The following SLC14A1 variants were observed in gnomAD, a reference collection of about 807,000 sequenced individuals.
SLC14A1 encodes urea transporter 1.
A neutral mutation model predicts 39.6 loss-of-function variants in SLC14A1; 36 were observed. That is an observed-to-expected ratio of 0.91 (90% CI 0.70 to 1.20). The LOEUF is 1.20. SLC14A1 is among the 50% of genes most tolerant of loss of function. The pLI is 0.00. For synonymous variants in SLC14A1, 164 were observed against 173.6 expected (o/e 0.94, Z 0.43); for missense variants, 469 against 478.7 (o/e 0.98, Z 0.19).
In SLC14A1 at chr18:45,734,327, T is replaced by A. The variant is rs1483237876; in HGVS notation, c.395T>A (p.Leu132His). ...TACAATGCCACCCTGGTGGGAGTAC[T>A]CATGGCTGTCTTTTCGGACAAGGGA... ...YGYNATLVGVLMAVFSDKGDY... is the reference protein window; with the variant it reads ...YGYNATLVGVHMAVFSDKGDY... The change falls in exon 5 of 10, where the codon CTC becomes CAC. Residue 132 changes from leucine to histidine, a missense_variant. Leu to His is a moderately conservative substitution (Grantham distance 99). Transcript: ENST00000321925. 6.2e-7 allele frequency: 1 copy of A among 1,614,078 alleles called. No individual in the cohort carries two copies. The highest frequency in any genetic ancestry group is 2.2e-5 in the East Asian group (1 of 44,868).
At chr18:45,734,508 T>C in intron 5 of SLC14A1, 106 bp downstream of exon 5, 4 of 1,236,780 alleles carry the variant, frequency 3.2e-6, no homozygotes, top group Non-Finnish European at 4.7e-6. Context: ...CAAGATGAAA[T>C]ATGTTCTCTG....
chr18:45,736,363 G>T, intron 5 of SLC14A1, 93 bp from the exon 6 acceptor site: 1 of 1,230,130 alleles, frequency 8.1e-7, no homozygotes, highest in Non-Finnish European at 1.2e-6. Context: ...GGGGCCTGTT[G>T]GCAGGTGAAA....
intron 6 of SLC14A1, among the ~76,000 whole-genome samples, chr18:45,737,211 TG>T (rs2047223086): frequency 6.6e-6 from 1 of 152,134 alleles, no homozygotes; most frequent in Non-Finnish European, 1.5e-5. Context: ...TCTCTAAGGG[TG>T]GGGCCTGGAA....
chr18:45,745,815 G>T (rs1015330217), intron 8 of SLC14A1, among the ~76,000 whole-genome samples: 1 of 152,160 alleles, frequency 6.6e-6, no homozygotes, highest in Non-Finnish European at 1.5e-5. Flanking sequence ...TTAAATCTCT[G>T]TGCATGGATT....
rs760011138 is a variant in SLC14A1, at chr18:45,730,182, GCT to G, written c.-21-113_-21-112del. On this transcript the variant is annotated intron_variant, in intron 2 of 9. Transcript: ENST00000321925. ...GGTGGTGTTTCAGAAGGAAAATGGTGCTCTCTTAGTTCTATGGAACATAGTGG... is the reference window on the plus strand; with the variant it reads ...GGTGGTGTTTCAGAAGGAAAATGGTGCTCTTAGTTCTATGGAACATAGTGG... The G allele has an allele frequency of 2.8e-5, 30 of 1,071,912 alleles. No homozygotes were observed. The South Asian group carries it at 3.8e-4, about 14-fold the overall frequency. The allele number at this position is 1,071,912 out of a possible 1,614,324, so 66.4% of individuals were successfully genotyped here. A position where few individuals can be genotyped will look rare whatever the true frequency, so the allele number is the denominator to read the frequency against.
chr18:45,742,586 C>G (rs1306700189), intron 8 of SLC14A1, among the ~76,000 whole-genome samples: 13 of 151,866 alleles, frequency 8.6e-5, no homozygotes, highest in Admixed American at 8.5e-4. Context: ...TCTCAATCTT[C>G]TGACCTCATG....
At chr18:45,731,581 C>T (rs988282959) in intron 4 of SLC14A1, 3 of 337,846 alleles carry the variant, frequency 8.9e-6, no homozygotes, top group Non-Finnish European at 1.2e-5. Flanking sequence ...GCTTAATAAC[C>T]CCCGTTATAT....
chr18:45,734,477 T>C, intron 5 of SLC14A1, 75 bp downstream of exon 5: 7 of 1,514,142 alleles, frequency 4.6e-6, no homozygotes, highest in African/African-American at 1.4e-5. Flanking sequence ...GGAGTTGTTA[T>C]ATGGCAGAGT....
intron 4 of SLC14A1, 195 bp downstream of exon 4, chr18:45,731,399 G>C: frequency 4.6e-6 from 3 of 652,826 alleles, no homozygotes; most frequent in East Asian, 5.6e-5. Context: ...TGAATAAATG[G>C]CTGGTCTAAA....
rs944730522 is a variant in SLC14A1, at chr18:45,751,635, T to G, written c.*1684T>G. ...TCTTAAAAAATAAAAATAGTAACAT[T>G]AGCCAGGTGTAGCAGCACACATCTG... On this transcript the variant is annotated 3_prime_UTR_variant, in exon 10 of 10. Coordinates refer to ENST00000321925, the MANE Select transcript of SLC14A1 (RefSeq NM_015865.7). 1.6e-4 allele frequency: 80 copies of G among 496,256 alleles called. No homozygotes were observed. The highest frequency in any genetic ancestry group is 2.0e-4 in the Non-Finnish European group (77 of 384,014). The allele number at this position is 496,256 out of a possible 1,614,324, so 30.7% of individuals were successfully genotyped here. A position where few individuals can be genotyped will look rare whatever the true frequency, so the allele number is the denominator to read the frequency against.
intron 8 of SLC14A1, among the ~76,000 whole-genome samples, chr18:45,744,005 T>C (rs759668118): frequency 1.6e-5 from 2 of 127,228 alleles, no homozygotes; most frequent in Non-Finnish European, 3.2e-5. Context: ...TTAGTTCATA[T>C]TAACCTTCTG....
Position 45,727,413 on chromosome 18 carries a change from G to A in SLC14A1, c.-22+2400G>A, listed in dbSNP as rs201620887. 3.2e-4 allele frequency: 490 copies of A among 1,547,644 alleles called. 3 individuals carry two copies. The highest frequency in any genetic ancestry group is 3.9e-4 in the Admixed American group (20 of 50,948). On this transcript the variant is annotated intron_variant, in intron 2 of 9. Coordinates refer to ENST00000321925, the MANE Select transcript of SLC14A1 (RefSeq NM_015865.7). ...CTTGGCCCTGGCAGATGGGTCGCAG[G>A]AACAGGTATGCTTCCTTCGTGCAGC...
chr18:45,749,378 A>T (rs1490198891), intron 9 of SLC14A1, among the ~76,000 whole-genome samples: 1 of 152,158 alleles, frequency 6.6e-6, no homozygotes, highest in Non-Finnish European at 1.5e-5. Flanking sequence ...GATCTAGACC[A>T]GGCAGAAGTC....
chr18:45,745,086 T>C (rs2047507726), intron 8 of SLC14A1, among the ~76,000 whole-genome samples: 1 of 152,132 alleles, frequency 6.6e-6, no homozygotes, highest in Non-Finnish European at 1.5e-5. Context: ...CTACTAAAAA[T>C]ACAAAAATTA....
At chr18:45,734,133 T>C (rs1449811045) in intron 4 of SLC14A1, 141 bp from the exon 5 acceptor site, 1 of 1,061,754 alleles carries the variant, frequency 9.4e-7, no homozygotes, top group East Asian at 2.5e-5. Context: ...GTACGATGCT[T>C]ACGTAGACTT....
Position 45,739,641 on chromosome 18 carries a change from C to G in SLC14A1, c.925C>G (p.His309Asp), listed in dbSNP as rs2047300162. ...GMFMALTWQT[H>D]LLALGCALFT... ...GTTCATGGCGCTCACCTGGCAAACC[C>G]ACCTCCTGGCTCTTGGCTGTGGTGA... Residue 309 changes from histidine to aspartate, a missense_variant, in exon 8 of 10, where the codon CAC (histidine) becomes GAC (aspartate). Coordinates refer to ENST00000321925, the MANE Select transcript of SLC14A1 (RefSeq NM_015865.7). 6 of 1,614,068 alleles carry G rather than the reference C, an allele frequency of 3.7e-6. No individual in the cohort carries two copies. In the Admixed American group the frequency reaches 5.0e-5, roughly 13 times the overall value.
chr18:45,751,299 C>A lies in SLC14A1; in HGVS notation c.*1348C>A, dbSNP rs536199103. On this transcript the variant is annotated 3_prime_UTR_variant, in exon 10 of 10. Coordinates refer to ENST00000321925, the MANE Select transcript of SLC14A1 (RefSeq NM_015865.7). The stretch of plus-strand genomic sequence containing the variant: ...AGGCTGCAGTGAGCTAAGATTGCAC[C>A]ACTGCACTCCAACCTGGGCGACAAG... The A allele has an allele frequency of 3.5e-4, 276 of 781,892 alleles. 1 individual carries two copies. Among genetic ancestry groups the A allele is most frequent in the Admixed American group, 2.5e-3 (38 of 15,230 alleles). The allele number at this position is 781,892 out of a possible 1,614,324, so 48.4% of individuals were successfully genotyped here. A position where few individuals can be genotyped will look rare whatever the true frequency, so the allele number is the denominator to read the frequency against.
At chr18:45,734,100 A>G in intron 4 of SLC14A1, 174 bp from the exon 5 acceptor site, 4 of 756,788 alleles carry the variant, frequency 5.3e-6, no homozygotes, top group Non-Finnish European at 6.6e-6. Context: ...TGTATATTTC[A>G]CTTCATGTCT....
At chr18:45,742,353 G>GGT (rs2047401137) in intron 8 of SLC14A1, among the ~76,000 whole-genome samples, 2 of 118,054 alleles carry the variant, frequency 1.7e-5, no homozygotes, top group Admixed American at 1.9e-4. Flanking sequence ...TTGTTTTTTG[G>GGT]TTTTTTTTTT....
Sources: allele counts gnomAD v4.1 joint callset (sites outside exome capture counted in the v4.1 genomes callset), GRCh38; gene constraint gnomAD v4.1.1; transcripts MANE v1.5; gene names NCBI Gene and HGNC (gene_info 2026-07-23, HGNC 2026-07-21).